Variants in PRKG1 observed in about 807,000 individuals in gnomAD.
The protein encoded by PRKG1 is cGMP-dependent protein kinase 1.
A neutral mutation model predicts 88.1 loss-of-function variants in PRKG1; 35 were observed. The observed-to-expected ratio is 0.40, with a 90% CI of 0.30 to 0.53. The LOEUF (loss-of-function observed/expected upper bound fraction) is 0.53, where lower values mean the gene tolerates loss of function less well. PRKG1 is among the 20% of genes least tolerant of loss of function. PRKG1 has a pLI of 0.59. For synonymous variants in PRKG1, 303 were observed against 292.5 expected, an observed-to-expected ratio of 1.04 and a Z score of -0.37; for missense variants, 540 against 839.8, an observed-to-expected ratio of 0.64 and a Z score of 4.41.
At chr10:52,069,312 C>T (rs907768509) in intron 7 of PRKG1, among the ~76,000 whole-genome samples, 3 of 152,104 alleles carry the variant, frequency 2.0e-5, no homozygotes, top group African/African-American at 7.2e-5. Context: ...AGGCAAACCA[C>T]TTGAGGTCAG....
chr10:52,140,317 A>G (rs1837541311), intron 8 of PRKG1, among the ~76,000 whole-genome samples: 1 of 152,154 alleles, frequency 6.6e-6, no homozygotes, highest in South Asian at 2.1e-4. Flanking sequence ...TCTGATCAGC[A>G]CTGCCCATGG....
intron 4 of PRKG1, among the ~76,000 whole-genome samples, chr10:51,882,488 G>A (rs1224170060): frequency 1.3e-5 from 2 of 152,126 alleles, no homozygotes; most frequent in African/African-American, 4.8e-5. Flanking sequence ...TGCTGAAATG[G>A]GAAGATTGCT....
At position 52,181,419 on chromosome 10, in the gene PRKG1, CTTTT is replaced by C. The variant is rs761799361; in HGVS notation, c.1076+19478_1076+19481del. On this transcript the variant is annotated intron_variant, in intron 9 of 17. Coordinates refer to ENST00000373980, the MANE Select transcript of PRKG1 (RefSeq NM_006258.4). ...GAGGTTTATTTGGCTCACAGCTCTT[CTTTT>C]TTTTTTTTTTTTTTTTTTTTTAATT... is the stretch of plus-strand genomic sequence containing the variant. Among the ~76,000 whole-genome samples the C allele has an allele frequency of 1.9e-3, 102 of 55,064 alleles. 1 individual carries two copies. The highest frequency in any genetic ancestry group is 5.0e-3 in the African/African-American group (87 of 17,420). The allele number at this position is 55,064 out of a possible 152,430, so 36.1% of individuals were successfully genotyped here.
At chr10:51,085,313 G>A (rs1370481693) in intron 1 of PRKG1, among the ~76,000 whole-genome samples, 1 of 152,164 alleles carries the variant, frequency 6.6e-6, no homozygotes, top group Non-Finnish European at 1.5e-5. Flanking sequence ...ATTTGTGCTG[G>A]TTTGACAGAG....
At chr10:51,652,786 A>G (rs959652073) in intron 3 of PRKG1, among the ~76,000 whole-genome samples, 2 of 152,190 alleles carry the variant, frequency 1.3e-5, no homozygotes, top group African/African-American at 4.8e-5. Flanking sequence ...ATTACTATTA[A>G]CTACAGTCAC....
intron 4 of PRKG1, among the ~76,000 whole-genome samples, chr10:51,812,548 G>A (rs1839483551): frequency 6.6e-6 from 1 of 152,080 alleles, no homozygotes; most frequent in African/African-American, 2.4e-5. Context: ...AAGCTGCAGT[G>A]GATCAGACTG....
At chr10:52,035,512 C>T (rs1226521592) in intron 5 of PRKG1, among the ~76,000 whole-genome samples, 1 of 151,988 alleles carries the variant, frequency 6.6e-6, no homozygotes, top group Non-Finnish European at 1.5e-5. Context: ...GAACCGCCAA[C>T]AATAAATCAA....
chr10:51,501,918 A>G (rs1184935450), intron 3 of PRKG1, among the ~76,000 whole-genome samples: 1 of 150,654 alleles, frequency 6.6e-6, no homozygotes, highest in Non-Finnish European at 1.5e-5. Flanking sequence ...ATAAGAAGGT[A>G]TCTGTGGGTA....
chr10:51,036,299 G>T (rs893420691), intron 1 of PRKG1, among the ~76,000 whole-genome samples: 10 of 151,946 alleles, frequency 6.6e-5, no homozygotes, highest in African/African-American at 2.4e-4. Flanking sequence ...GCTGGTAAAG[G>T]GTATTCAATG....
At chr10:51,086,676 T>G (rs1460080355) in intron 1 of PRKG1, among the ~76,000 whole-genome samples, 3 of 152,154 alleles carry the variant, frequency 2.0e-5, no homozygotes, top group Non-Finnish European at 4.4e-5. Flanking sequence ...CCAAATTTGG[T>G]GTGCAGACAG....
intron 6 of PRKG1, among the ~76,000 whole-genome samples, chr10:52,057,883 A>AT (rs962239346): frequency 9.9e-5 from 15 of 150,856 alleles, no homozygotes; most frequent in Admixed American, 2.0e-4. Context: ...TCTGAGAAAC[A>AT]TTTTTTTTAA....
chr10:51,471,227 C>A (rs1051940511), intron 3 of PRKG1, among the ~76,000 whole-genome samples: 2 of 151,934 alleles, frequency 1.3e-5, no homozygotes, highest in African/African-American at 4.8e-5. Context: ...TCTTTCCAAT[C>A]ACAAACATTC....
At chr10:52,269,192 G>A (rs115171489) in intron 10 of PRKG1, among the ~76,000 whole-genome samples, 1,567 of 152,176 alleles carry the variant, frequency 0.01, 28 homozygotes, top group African/African-American at 0.036. Flanking sequence ...GAGGGAATAT[G>A]ACTTTACTTC....
intron 2 of PRKG1, among the ~76,000 whole-genome samples, chr10:51,390,424 T>C (rs1017739673): frequency 2.0e-5 from 3 of 152,240 alleles, no homozygotes; most frequent in African/African-American, 7.2e-5. Flanking sequence ...TATGTTTACA[T>C]ACAATTCAAC....
chr10:51,444,085 AG>A (rs1271772459), intron 2 of PRKG1, among the ~76,000 whole-genome samples: 1 of 151,668 alleles, frequency 6.6e-6, no homozygotes, highest in Admixed American at 6.6e-5. Context: ...TGATCAGAGG[AG>A]GAAAAAAGAG....
At chr10:51,797,007 AGGTGGAAAGTCATTCTAG>A (rs1238826259) in intron 3 of PRKG1, among the ~76,000 whole-genome samples, 1 of 152,028 alleles carries the variant, frequency 6.6e-6, no homozygotes, top group Non-Finnish European at 1.5e-5. Context: ...GAAGACAAAT[AGGTGGAAAGTCATTCTAG>A]GTTGAGGACC....
chr10:51,499,736 C>T (rs1432762133), intron 3 of PRKG1, among the ~76,000 whole-genome samples: 1 of 152,072 alleles, frequency 6.6e-6, no homozygotes, highest in Non-Finnish European at 1.5e-5. Flanking sequence ...GCCAGGAGTT[C>T]GAGATCAGCG....
chr10:51,903,367 G>A (rs1488077917), intron 4 of PRKG1, among the ~76,000 whole-genome samples: 2 of 151,468 alleles, frequency 1.3e-5, no homozygotes, highest in African/African-American at 4.9e-5. Flanking sequence ...AGTTAATTTT[G>A]TTAGGTATGA....
chr10:51,654,798 T>C (rs1445516737), intron 3 of PRKG1, among the ~76,000 whole-genome samples: 1 of 152,202 alleles, frequency 6.6e-6, no homozygotes, highest in Non-Finnish European at 1.5e-5. Context: ...GTTTAAACTT[T>C]AATTATTTCG....
Sources: allele counts gnomAD v4.1 joint callset (sites outside exome capture counted in the v4.1 genomes callset), GRCh38; gene constraint gnomAD v4.1.1; transcripts MANE v1.5; gene names NCBI Gene and HGNC (gene_info 2026-07-23, HGNC 2026-07-21).